GTF2F2: variants seen among roughly 807,000 people sequenced by gnomAD.
GTF2F2 encodes general transcription factor IIF subunit 2.
GTF2F2 carries 23 observed loss-of-function variants against 42.2 expected under a neutral mutation model. The observed-to-expected ratio is 0.55, with a 90% CI of 0.39 to 0.77. The LOEUF (loss-of-function observed/expected upper bound fraction) is 0.77, where lower values mean the gene tolerates loss of function less well. Among genes scored for constraint, GTF2F2 ranks in the 30% least tolerant of loss-of-function variants. The pLI is 0.00. For synonymous variants in GTF2F2, 105 were observed against 100.8 expected (o/e 1.04, Z -0.25); for missense variants, 261 against 287.2 (o/e 0.91, Z 0.66).
At chr13:45,216,188 C>T (rs978972248) in intron 5 of GTF2F2, among the ~76,000 whole-genome samples, 1 of 152,056 alleles carries the variant, frequency 6.6e-6, no homozygotes, top group Non-Finnish European at 1.5e-5. Flanking sequence ...ACTGCACTCC[C>T]TCCTGGGCAA....
chr13:45,151,228 A>G (rs577453574), intron 3 of GTF2F2, among the ~76,000 whole-genome samples: 1 of 150,362 alleles, frequency 6.7e-6, no homozygotes, highest in East Asian at 1.9e-4. Flanking sequence ...AACATGTGGT[A>G]TTTGGTTTTC....
chr13:45,171,605 T>A (rs989474938), intron 4 of GTF2F2, among the ~76,000 whole-genome samples: 6 of 152,196 alleles, frequency 3.9e-5, no homozygotes, highest in Admixed American at 2.6e-4. Context: ...TATTGCCTTT[T>A]AAAAAATTAC....
chr13:45,151,128 C>T (rs2138119248), intron 3 of GTF2F2, among the ~76,000 whole-genome samples: 1 of 152,256 alleles, frequency 6.6e-6, no homozygotes, highest in Non-Finnish European at 1.5e-5. Context: ...GGTCTCCTCT[C>T]TCCCTCTCTC....
chr13:45,188,238 G>T (rs924315637), intron 4 of GTF2F2, among the ~76,000 whole-genome samples: 8 of 152,276 alleles, frequency 5.3e-5, no homozygotes, highest in Middle Eastern at 3.4e-3. Flanking sequence ...CAAAACAGCT[G>T]CTATTATTAT....
intron 4 of GTF2F2, among the ~76,000 whole-genome samples, chr13:45,205,195 G>A (rs1045084083): frequency 2.6e-5 from 4 of 152,142 alleles, no homozygotes; most frequent in East Asian, 3.8e-4. Flanking sequence ...ATTGACTCAC[G>A]GTTCCGCATA....
intron 5 of GTF2F2, among the ~76,000 whole-genome samples, chr13:45,214,046 G>A (rs73183403): frequency 5.2e-4 from 79 of 152,084 alleles, no homozygotes; most frequent in South Asian, 1.0e-3. Flanking sequence ...TTTAATCAGT[G>A]AGTTTTTACT....
At chr13:45,243,637 A>G in intron 5 of GTF2F2, among the ~76,000 whole-genome samples, 1 of 151,954 alleles carries the variant, frequency 6.6e-6, no homozygotes, top group Non-Finnish European at 1.5e-5. Flanking sequence ...TTTTAAATCC[A>G]TTTTGTTTTA....
Position 45,120,571 on chromosome 13 carries a change from T to C in GTF2F2, c.-85T>C. 2 of 950,654 alleles carry C rather than the reference T, an allele frequency of 2.1e-6. No individual in the cohort carries two copies. Among genetic ancestry groups the C allele is most frequent in the Non-Finnish European group, 3.3e-6 (2 of 606,060 alleles). 58.9% of individuals were successfully genotyped at this position (950,654 alleles called of 1,614,324 possible). A position where few individuals can be genotyped will look rare whatever the true frequency, so the allele number is the denominator to read the frequency against. ...GCTCTTCGCCTCTCAGCGCGGCTTG[T>C]CCTTTGTTCCGGACGCCCGCTCCTC... is the stretch of plus-strand genomic sequence containing the variant. On this transcript the variant is annotated 5_prime_UTR_variant, in exon 1 of 8. Transcript: ENST00000340473.
chr13:45,190,341 T>C (rs1872571131), intron 4 of GTF2F2, among the ~76,000 whole-genome samples: 1 of 152,240 alleles, frequency 6.6e-6, no homozygotes, highest in South Asian at 2.1e-4. Flanking sequence ...TATAAGGTTG[T>C]ATCAAGTGAG....
At chr13:45,224,377 G>A (rs1874242870) in intron 5 of GTF2F2, among the ~76,000 whole-genome samples, 1 of 152,180 alleles carries the variant, frequency 6.6e-6, no homozygotes, top group Non-Finnish European at 1.5e-5. Flanking sequence ...TGTAAAAGAA[G>A]ACTGAATAGA....
At chr13:45,187,911 T>C (rs1872947191) in intron 4 of GTF2F2, among the ~76,000 whole-genome samples, 1 of 152,180 alleles carries the variant, frequency 6.6e-6, no homozygotes, top group Non-Finnish European at 1.5e-5. Flanking sequence ...CCTTACTGAT[T>C]TTATTTATTT....
chr13:45,173,942 G>A (rs570031947), intron 4 of GTF2F2, among the ~76,000 whole-genome samples: 5 of 152,180 alleles, frequency 3.3e-5, no homozygotes, highest in African/African-American at 9.6e-5. Context: ...TAAAAGTGTC[G>A]TATAACTGTT....
chr13:45,246,036 G>GT (rs201693153), intron 5 of GTF2F2, among the ~76,000 whole-genome samples: 150,564 of 150,566 alleles, frequency 1, 75,281 homozygotes, highest in Non-Finnish European at 1. Context: ...TTGAGACGGA[G>GT]CTCGCTCTGT....
chr13:45,164,104 A>G (rs560816179), intron 4 of GTF2F2, among the ~76,000 whole-genome samples: 1 of 152,212 alleles, frequency 6.6e-6, no homozygotes, highest in African/African-American at 2.4e-5. Context: ...ACTTGGCGAA[A>G]CCCCGTCTCT....
At position 45,283,572 on chromosome 13, in the gene GTF2F2, A is replaced by G. The variant is rs1877351367; in HGVS notation, c.*11A>G. 1.3e-6 allele frequency: 2 copies of G among 1,595,082 alleles called. No individual in the cohort carries two copies. The highest frequency in any genetic ancestry group is 1.7e-6 in the Non-Finnish European group (2 of 1,172,842). On this transcript the variant is annotated 3_prime_UTR_variant, in exon 8 of 8. Transcript: ENST00000340473. ...GAAAAGAGTGACTAAGAAGACTCCT[A>G]GCCAGCATGCTAGTGAAACGACTAG... is the stretch of plus-strand genomic sequence containing the variant.
chr13:45,208,616 G>T (rs1275494751), intron 5 of GTF2F2, among the ~76,000 whole-genome samples: 5 of 152,176 alleles, frequency 3.3e-5, no homozygotes, highest in Admixed American at 3.3e-4. Flanking sequence ...AGTAGTGGTA[G>T]TGGCCTGTTG....
At chr13:45,138,595 A>C (rs1869755286) in intron 2 of GTF2F2, among the ~76,000 whole-genome samples, 1 of 152,206 alleles carries the variant, frequency 6.6e-6, no homozygotes, top group Non-Finnish European at 1.5e-5. Context: ...AGCTGATTAT[A>C]ATCCATTTCA....
At chr13:45,274,572 G>T (rs1184223457) in intron 7 of GTF2F2, among the ~76,000 whole-genome samples, 2 of 151,782 alleles carry the variant, frequency 1.3e-5, no homozygotes, top group Non-Finnish European at 2.9e-5. Flanking sequence ...CTCGTGATCC[G>T]CCCACCTTGA....
chr13:45,200,903 A>T (rs1873151060), intron 4 of GTF2F2, among the ~76,000 whole-genome samples: 2 of 152,148 alleles, frequency 1.3e-5, no homozygotes, highest in Non-Finnish European at 2.9e-5. Context: ...GAGTCAGGAG[A>T]GTAAGGAGAG....
Sources: gnomAD v4.1 joint callset for allele counts (sites outside exome capture counted in the v4.1 genomes callset) on GRCh38, gnomAD v4.1.1 for gene constraint, MANE v1.5 for transcripts, NCBI Gene and HGNC (gene_info 2026-07-23, HGNC 2026-07-21) for gene names.